MAGI1: variants seen among roughly 807,000 people sequenced by gnomAD.
The protein encoded by MAGI1 is membrane associated guanylate kinase, WW and PDZ domain containing 1, also known as membrane-associated guanylate kinase, WW and PDZ domain-containing protein 1.
In MAGI1, 58 loss-of-function variants were observed where a neutral mutation model predicts 139.9. The ratio of observed to expected loss-of-function variants is 0.41; its 90% CI spans 0.34 to 0.52. The LOEUF is 0.52. Ranked by LOEUF, MAGI1 falls within the 20% of genes least tolerant of loss-of-function variation. The pLI is 0.12. For synonymous variants in MAGI1, 812 were observed against 737.9 expected (o/e 1.10, Z -1.63); for missense variants, 1,874 against 1,901.6 (o/e 0.99, Z 0.27).
chr3:65,415,984 C>T (rs1431838295), intron 12 of MAGI1, among the ~76,000 whole-genome samples: 1 of 152,084 alleles, frequency 6.6e-6, no homozygotes, highest in East Asian at 1.9e-4. Flanking sequence ...TTTTTCAATG[C>T]AATCATCTGC....
intron 1 of MAGI1, chr3:65,688,290 G>T (rs534111375): frequency 3.7e-4 from 310 of 830,420 alleles, no homozygotes; most frequent in Non-Finnish European, 4.8e-4. Context: ...GAAGATCCTT[G>T]GCCAGGAGGG....
chr3:65,506,321 G>A (rs2077287546), intron 2 of MAGI1, among the ~76,000 whole-genome samples: 1 of 152,140 alleles, frequency 6.6e-6, no homozygotes, highest in Admixed American at 6.5e-5. Context: ...CATTAACCAT[G>A]ACAACAACAG....
intron 1 of MAGI1, among the ~76,000 whole-genome samples, chr3:65,625,127 C>A (rs867048209): frequency 6.6e-6 from 1 of 152,140 alleles, no homozygotes; most frequent in Non-Finnish European, 1.5e-5. Flanking sequence ...CCCACCTCGG[C>A]GTCCCAAAGT....
intron 1 of MAGI1, among the ~76,000 whole-genome samples, chr3:65,929,344 T>A (rs13317836): frequency 6.9e-6 from 1 of 144,728 alleles, no homozygotes; most frequent in Non-Finnish European, 1.5e-5. Context: ...ATATCAAGGA[T>A]GATTTTTTTT....
At chr3:65,673,318 T>G (rs1368841710) in intron 1 of MAGI1, among the ~76,000 whole-genome samples, 2 of 152,244 alleles carry the variant, frequency 1.3e-5, no homozygotes, top group South Asian at 2.1e-4. Flanking sequence ...TTTCCTGATG[T>G]CTTAGTTTAT....
chr3:65,891,509 T>C lies in MAGI1; in HGVS notation c.313+146487A>G, dbSNP rs550013170. ...AATAAGCCCCAACAAACTAAAATGTTAGATTAAGGGACAGAAGTATTTTCT... is the reference window on the plus strand; with the variant it reads ...AATAAGCCCCAACAAACTAAAATGTCAGATTAAGGGACAGAAGTATTTTCT... On this transcript the variant is annotated intron_variant, in intron 1 of 22. Coordinates refer to ENST00000402939, the MANE Select transcript of MAGI1 (RefSeq NM_001033057.2). 6.6e-5 allele frequency among the ~76,000 whole-genome samples: 10 copies of C among 151,974 alleles called. No homozygotes were observed. The East Asian group carries it at 1.9e-3, about 30-fold the overall frequency.
chr3:66,013,596 C>A (rs1336106479), intron 1 of MAGI1, among the ~76,000 whole-genome samples: 1 of 151,236 alleles, frequency 6.6e-6, no homozygotes, highest in Non-Finnish European at 1.5e-5. Context: ...TCCGTCTCTA[C>A]TAAAAATACA....
intron 2 of MAGI1, among the ~76,000 whole-genome samples, chr3:65,546,032 T>A (rs1296969707): frequency 1.3e-5 from 2 of 150,504 alleles, no homozygotes; most frequent in African/African-American, 2.5e-5. Context: ...ACTACAAAAA[T>A]AAATCTCCCT....
At chr3:65,432,013 A>AATAAATTT (rs1947493997) in intron 10 of MAGI1, among the ~76,000 whole-genome samples, 1 of 152,118 alleles carries the variant, frequency 6.6e-6, no homozygotes, top group African/African-American at 2.4e-5. Context: ...ATAAAAATAA[A>AATAAATTT]ATAAATTTAC....
At chr3:65,794,812 G>A (rs1268494091) in intron 1 of MAGI1, among the ~76,000 whole-genome samples, 5 of 129,770 alleles carry the variant, frequency 3.9e-5, no homozygotes, top group African/African-American at 1.5e-4. Context: ...ATAAAAAGCT[G>A]AACAAAACAC....
intron 2 of MAGI1, among the ~76,000 whole-genome samples, chr3:65,502,278 T>C (rs1157238613): frequency 6.6e-6 from 1 of 152,282 alleles, no homozygotes; most frequent in Non-Finnish European, 1.5e-5. Context: ...TTGTTTTATC[T>C]GTAGCCTAAG....
At chr3:65,713,633 A>G (rs1406014160) in intron 1 of MAGI1, among the ~76,000 whole-genome samples, 4 of 152,116 alleles carry the variant, frequency 2.6e-5, no homozygotes, top group African/African-American at 9.7e-5. Flanking sequence ...AAGGCTTAAG[A>G]GCCAAAGAGA....
chr3:65,646,873 G>C (rs1375310606), intron 1 of MAGI1, among the ~76,000 whole-genome samples: 1 of 151,866 alleles, frequency 6.6e-6, no homozygotes, highest in Non-Finnish European at 1.5e-5. Flanking sequence ...TGTCAAAATT[G>C]TACAATTACA....
chr3:65,583,889 C>A (rs56371044), intron 2 of MAGI1, among the ~76,000 whole-genome samples: 2 of 151,806 alleles, frequency 1.3e-5, no homozygotes, highest in African/African-American at 2.4e-5. Context: ...GAAGATGAGA[C>A]TGTGACCTCT....
chr3:65,978,828 T>G (rs2065400637), intron 1 of MAGI1, among the ~76,000 whole-genome samples: 1 of 152,080 alleles, frequency 6.6e-6, no homozygotes, highest in Non-Finnish European at 1.5e-5. Flanking sequence ...GGTCTCATCA[T>G]GTTGGCCAGG....
At chr3:65,593,304 T>A (rs557873561) in intron 2 of MAGI1, among the ~76,000 whole-genome samples, 1 of 152,328 alleles carries the variant, frequency 6.6e-6, no homozygotes, top group Non-Finnish European at 1.5e-5. Flanking sequence ...ACAGTCTTTG[T>A]CAAATTTGTA....
intron 1 of MAGI1, among the ~76,000 whole-genome samples, chr3:65,782,686 C>T (rs1440345139): frequency 7.9e-6 from 1 of 125,958 alleles, no homozygotes; most frequent in Non-Finnish European, 1.6e-5. Flanking sequence ...TAGGTATAAA[C>T]ATAATATACT....
intron 1 of MAGI1, among the ~76,000 whole-genome samples, chr3:65,651,280 T>G (rs932420545): frequency 1.3e-5 from 2 of 152,068 alleles, no homozygotes; most frequent in Non-Finnish European, 2.9e-5. Context: ...CAATTCAACC[T>G]CATATAAGAA....
At chr3:65,621,186 C>A (rs974120474) in intron 2 of MAGI1, among the ~76,000 whole-genome samples, 4 of 152,208 alleles carry the variant, frequency 2.6e-5, no homozygotes, top group South Asian at 2.1e-4. Flanking sequence ...GTAATAAATT[C>A]TAAGTAATAA....
Sources: allele counts gnomAD v4.1 joint callset (sites outside exome capture counted in the v4.1 genomes callset), GRCh38; gene constraint gnomAD v4.1.1; transcripts MANE v1.5; gene names NCBI Gene and HGNC (gene_info 2026-07-23, HGNC 2026-07-21).